The following CCT3 variants were observed in gnomAD, a reference collection of about 807,000 sequenced individuals.
The protein encoded by CCT3 is chaperonin containing TCP1 subunit 3, also known as T-complex protein 1 subunit gamma.
CCT3 carries 10 observed loss-of-function variants against 65.3 expected under a neutral mutation model. The ratio of observed to expected loss-of-function variants is 0.15; its 90% confidence interval spans 0.09 to 0.26. The LOEUF (loss-of-function observed/expected upper bound fraction) is 0.26, where lower values mean the gene tolerates loss of function less well. Ranked by LOEUF, CCT3 falls within the 10% of genes least tolerant of loss-of-function variation. The probability of loss-of-function intolerance (pLI) is 1.00; values close to 1 mark genes in which losing one functional copy is unlikely to be tolerated. For synonymous variants in CCT3, 225 were observed against 242.3 expected, an observed-to-expected ratio of 0.93 and a Z score of 0.66; for missense variants, 626 against 708.7, an observed-to-expected ratio of 0.88 and a Z score of 1.33.
At chr1:156,310,534 T>C (rs1399801813) in intron 13 of CCT3, 24 bp downstream of exon 13, 6 of 1,569,996 alleles carry the variant, frequency 3.8e-6, no homozygotes, top group Non-Finnish European at 5.2e-6. Context: ...TAAAACAGCG[T>C]GTACATATCT....
At chr1:156,321,372 T>C (rs1664546956) in intron 6 of CCT3, among the ~76,000 whole-genome samples, 1 of 152,216 alleles carries the variant, frequency 6.6e-6, no homozygotes, top group Admixed American at 6.5e-5. Context: ...TTATGAAACT[T>C]TATCCCATAA....
At chr1:156,332,670 T>C (rs1231534467) in intron 5 of CCT3, 1 of 152,178 alleles carries the variant, frequency 6.6e-6, no homozygotes, top group African/African-American at 2.4e-5. Flanking sequence ...TAAGGTTATG[T>C]TTTTCACATT....
At chr1:156,319,780 T>C (rs1664473170) in intron 7 of CCT3, among the ~76,000 whole-genome samples, 1 of 152,196 alleles carries the variant, frequency 6.6e-6, no homozygotes, top group Non-Finnish European at 1.5e-5. Flanking sequence ...ATTTTAGGCT[T>C]GGGGCTCCAT....
In CCT3 at chr1:156,334,795, TA is replaced by T; in HGVS notation, c.145-21del. On this transcript the variant is annotated intron_variant, in intron 3 of 13. Transcript: ENST00000295688. ...AAGCATCTAAGATGAAAGCAAAAGT[TA>T]TATTTAAAGTGTCCTAGATAACAGG... 6.2e-7 allele frequency: 1 copy of T among 1,614,002 alleles called. No individual in the cohort carries two copies. Among genetic ancestry groups the T allele is most frequent in the Non-Finnish European group, 8.5e-7 (1 of 1,179,886 alleles).
intron 10 of CCT3, 60 bp from the exon 11 acceptor site, chr1:156,312,281 T>C (rs1414876967): frequency 2.0e-6 from 3 of 1,528,286 alleles, no homozygotes; most frequent in Admixed American, 3.5e-5. Context: ...CCCATTTCCC[T>C]AGTCTCTAGG....
chr1:156,314,572 G>C (rs1570914979), intron 10 of CCT3, among the ~76,000 whole-genome samples: 1 of 152,044 alleles, frequency 6.6e-6, no homozygotes, highest in East Asian at 1.9e-4. Flanking sequence ...AAATTAGCTG[G>C]GCTTGGTGGC....
At position 156,335,857 on chromosome 1, in the gene CCT3, T is replaced by C. The variant is rs770680547; in HGVS notation, c.63A>G (p.Lys21=). 7 of 1,614,130 alleles carry C rather than the reference T, an allele frequency of 4.3e-6. No individual in the cohort carries two copies. The South Asian group carries it at 7.7e-5, about 18-fold the overall frequency. The change falls in exon 2 of 14, where the codon AAA becomes AAG. Residue 21 remains lysine, a synonymous_variant. Transcript: ENST00000295688. ...CAGCATTGATGTTTCCAGATTGAAC[T>C]TTTCTTCCGGATTCACGCTTTGTGT... ...SQNTKRESGR[K]VQSGNINAAK...
chr1:156,328,449 A>C (rs1362261057), intron 5 of CCT3, among the ~76,000 whole-genome samples: 21 of 152,042 alleles, frequency 1.4e-4, no homozygotes, highest in Admixed American at 1.4e-3. Context: ...GAGAAATCGG[A>C]TGGTTGCCGT....
At chr1:156,334,988 G>C (rs1665274438) in intron 2 of CCT3, 70 bp from the exon 3 acceptor site, 5 of 1,335,312 alleles carry the variant, frequency 3.7e-6, no homozygotes, top group Admixed American at 1.7e-5. Flanking sequence ...TGGAGTAATA[G>C]GGAAAAGGGG....
intron 10 of CCT3, among the ~76,000 whole-genome samples, chr1:156,313,958 C>T (rs1048397813): frequency 5.9e-5 from 9 of 151,770 alleles, no homozygotes; most frequent in Admixed American, 5.3e-4. Flanking sequence ...CATGGTGGTG[C>T]GCACCTGTAG....
chr1:156,335,749 C>A, intron 2 of CCT3, 78 bp downstream of exon 2: 1 of 1,194,710 alleles, frequency 8.4e-7, no homozygotes, highest in Non-Finnish European at 1.2e-6. Context: ...TCTAGATGCA[C>A]AGGACACATG....
chr1:156,328,582 T>G (rs937654295), intron 5 of CCT3, among the ~76,000 whole-genome samples: 4 of 152,018 alleles, frequency 2.6e-5, no homozygotes, highest in Admixed American at 2.6e-4. Context: ...CTCTGAAACA[T>G]GTGCTGTGTC....
At chr1:156,333,309 A>T in intron 5 of CCT3, 2 of 398,438 alleles carry the variant, frequency 5.0e-6, no homozygotes, top group East Asian at 6.0e-5. Flanking sequence ...AAAAAAAAAA[A>T]GAATATTATA....
At chr1:156,335,957 C>T (rs1352643381) in intron 1 of CCT3, 69 bp from the exon 2 acceptor site, 27 of 1,262,598 alleles carry the variant, frequency 2.1e-5, no homozygotes, top group East Asian at 4.7e-5. Context: ...TTTATTTCCC[C>T]GTCTTTGAAA....
chr1:156,319,115 GT>G (rs371602601), intron 7 of CCT3, 98 bp from the exon 8 acceptor site: 47,960 of 767,082 alleles, frequency 0.063, no homozygotes, highest in East Asian at 0.086. Context: ...AGTGTTTCAG[GT>G]TTTTTTTTTT....
In CCT3 at chr1:156,317,562, A is replaced by C. The variant is rs779144222; in HGVS notation, c.760-15T>G. 7.5e-6 allele frequency: 12 copies of C among 1,605,200 alleles called. No individual in the cohort carries two copies. The highest frequency in any genetic ancestry group is 2.2e-5 in the East Asian group (1 of 44,644). On this transcript the variant is annotated splice_polypyrimidine_tract_variant and intron_variant, in intron 8 of 13. Coordinates refer to ENST00000295688, the MANE Select transcript of CCT3 (RefSeq NM_005998.5). ...TCAATGTCAGTCTGTGTGGTAAAGA[A>C]AAGACACTGATTTTAAAATCCCTGG...
chr1:156,330,148 A>G (rs1316452761), intron 5 of CCT3, among the ~76,000 whole-genome samples: 1 of 152,190 alleles, frequency 6.6e-6, no homozygotes, highest in Non-Finnish European at 1.5e-5. Flanking sequence ...ATTATCAGCT[A>G]GAAAATTTTC....
rs567642937 is a variant in CCT3, at chr1:156,318,777, G to C, written c.759+91C>G. ...GTCAGTGTACACTATGCACCCAGAA[G>C]GCATGCAATAAACATACGTTTTATT... On this transcript the variant is annotated intron_variant, in intron 8 of 13. Coordinates refer to ENST00000295688, the MANE Select transcript of CCT3 (RefSeq NM_005998.5). 247 of 1,236,864 alleles carry C rather than the reference G, an allele frequency of 2.0e-4. No individual in the cohort carries two copies. In the East Asian group the frequency reaches 5.3e-3, roughly 26 times the overall value. 76.6% of individuals were successfully genotyped at this position (1,236,864 alleles called of 1,614,324 possible). A position where few individuals can be genotyped will look rare whatever the true frequency, so the allele number is the denominator to read the frequency against.
chr1:156,332,565 A>G (rs1665147745), intron 5 of CCT3: 1 of 152,240 alleles, frequency 6.6e-6, no homozygotes, highest in South Asian at 2.1e-4. Flanking sequence ...CAGAATGGCA[A>G]AAAATTTGAG....
Sources: gnomAD v4.1 joint callset for allele counts (sites outside exome capture counted in the v4.1 genomes callset) on GRCh38, gnomAD v4.1.1 for gene constraint, MANE v1.5 for transcripts, NCBI Gene and HGNC (gene_info 2026-07-23, HGNC 2026-07-21) for gene names.